The following NOC3L variants were observed in gnomAD, a reference collection of about 807,000 sequenced individuals.
NOC3L encodes NOC3 like DNA replication regulator, also known as nucleolar complex protein 3 homolog.
A neutral mutation model predicts 102.5 loss-of-function variants in NOC3L; 85 were observed. The ratio of observed to expected loss-of-function variants is 0.83; its 90% CI spans 0.70 to 0.99. The LOEUF is 0.99. Ranked by LOEUF, NOC3L falls within the 50% of genes least tolerant of loss-of-function variation. The probability of loss-of-function intolerance (pLI) is 0.00; values close to 1 mark genes in which losing one functional copy is unlikely to be tolerated. For missense variants in NOC3L, 878 were observed against 914.9 expected, an observed-to-expected ratio of 0.96 and a Z score of 0.52; for synonymous variants, 303 against 309.4, an observed-to-expected ratio of 0.98 and a Z score of 0.22.
At chr10:94,342,039 A>T (rs1445230010) in intron 13 of NOC3L, among the ~76,000 whole-genome samples, 2 of 152,252 alleles carry the variant, frequency 1.3e-5, no homozygotes, top group African/African-American at 4.8e-5. Flanking sequence ...CTTCCTGAGG[A>T]AAGTTTAGGA....
chr10:94,360,811 C>A (rs1168133184), intron 2 of NOC3L, among the ~76,000 whole-genome samples: 1 of 151,454 alleles, frequency 6.6e-6, no homozygotes, highest in Non-Finnish European at 1.5e-5. Flanking sequence ...TCATGTATCC[C>A]ATAAATATAT....
Position 94,362,878 on chromosome 10 carries a change from A to C in NOC3L, c.-40T>G. 1 of 1,613,902 alleles carries C rather than the reference A, an allele frequency of 6.2e-7. No individual in the cohort carries two copies. Reference sequence around the variant, plus strand: ...TGAATGCCGGCCAGACAAGTTCACCAGAAGCAGGGTTACTACAGAAATCCC... The same window carrying C: ...TGAATGCCGGCCAGACAAGTTCACCCGAAGCAGGGTTACTACAGAAATCCC... On this transcript the variant is annotated 5_prime_UTR_variant, in exon 1 of 21. Coordinates refer to ENST00000371361, the MANE Select transcript of NOC3L (RefSeq NM_022451.11).
chr10:94,358,060 T>G (rs375312725), intron 3 of NOC3L, 23 bp downstream of exon 3: 1 of 1,488,674 alleles, frequency 6.7e-7, no homozygotes, highest in East Asian at 2.3e-5. Flanking sequence ...ATATGAATGA[T>G]TATAACCCAA....
rs747191866 is a variant in NOC3L at position 94,334,149 on chromosome 10, A to G, written c.*28T>C. 9.8e-7 allele frequency: 1 copy of G among 1,023,106 alleles called. No homozygotes were observed. The highest frequency in any genetic ancestry group is 1.4e-5 in the South Asian group (1 of 73,974). 63.4% of individuals were successfully genotyped at this position (1,023,106 alleles called of 1,614,324 possible). ...TGTACATCTGCACACACAAATATAC[A>G]AGAAAGTCCACTGACTTCATTCCTC... On this transcript the variant is annotated 3_prime_UTR_variant, in exon 21 of 21. Coordinates refer to ENST00000371361, the MANE Select transcript of NOC3L (RefSeq NM_022451.11).
chr10:94,352,251 A>C, intron 8 of NOC3L, 59 bp downstream of exon 8: 1 of 1,158,310 alleles, frequency 8.6e-7, no homozygotes, highest in Admixed American at 1.8e-5. Flanking sequence ...ACTGTACAGA[A>C]TTCACCTTCA....
chr10:94,316,807 G>T, the NOC3L span: 2 of 1,349,012 alleles, frequency 1.5e-6, no homozygotes, highest in Non-Finnish European at 2.1e-6. Context: ...TATGTGATTA[G>T]CCATTTACCA....
intron 13 of NOC3L, 112 bp downstream of exon 13, chr10:94,344,303 G>A: frequency 1.7e-6 from 1 of 586,368 alleles, no homozygotes; most frequent in African/African-American, 1.9e-5. Context: ...GTGACAATCA[G>A]AAAAGGAATG....
At chr10:94,344,604 T>G in intron 12 of NOC3L, 89 bp from the exon 13 acceptor site, 2 of 909,912 alleles carry the variant, frequency 2.2e-6, no homozygotes, top group Non-Finnish European at 3.4e-6. Context: ...CAGGTTAACT[T>G]TTTTCCCTAC....
At chr10:94,334,383 T>A (rs1458188908) in intron 20 of NOC3L, 78 bp from the exon 21 acceptor site, 1 of 873,686 alleles carries the variant, frequency 1.1e-6, no homozygotes. Context: ...AAGTTGAAAA[T>A]GGCAACAGCT....
chr10:94,356,585 TC>T lies in NOC3L; in HGVS notation c.514del (p.Asp172IlefsTer27). The T allele has an allele frequency of 6.5e-7, 1 of 1,548,864 alleles. No homozygotes were observed. Among genetic ancestry groups the T allele is most frequent in the Non-Finnish European group, 8.9e-7 (1 of 1,121,970 alleles). On this transcript the variant is annotated frameshift_variant, in exon 5 of 21. Transcript: ENST00000371361. LOFTEE classifies it high-confidence loss of function. Reference protein sequence around the residue: ...IPQTREKPVTDSNKDEEDQEE... With the variant: ...IPQTREKPVTXSNKDEEDQEE... ...TTGATCCTCTTCATCTTTGTTACTATCAGTAACTATATGGAAAACATATGTA... is the reference window on the plus strand; with the variant it reads ...TTGATCCTCTTCATCTTTGTTACTATAGTAACTATATGGAAAACATATGTA...
intron 10 of NOC3L, among the ~76,000 whole-genome samples, chr10:94,347,642 G>A (rs2054360944): frequency 6.6e-6 from 1 of 152,042 alleles, no homozygotes; most frequent in Non-Finnish European, 1.5e-5. Flanking sequence ...GTGAAATCCA[G>A]AAATAAAATG....
intron 3 of NOC3L, 152 bp downstream of exon 3, chr10:94,357,931 C>T (rs990706251): frequency 8.2e-6 from 5 of 609,394 alleles, no homozygotes; most frequent in Non-Finnish European, 1.5e-5. Flanking sequence ...TATACATGAA[C>T]CTCCTTTATT....
At chr10:94,338,289 C>T (rs2054244935) in intron 18 of NOC3L, among the ~76,000 whole-genome samples, 1 of 152,160 alleles carries the variant, frequency 6.6e-6, no homozygotes, top group Non-Finnish European at 1.5e-5. Flanking sequence ...TAAGACTCAA[C>T]AGAAATGTAC....
intron 14 of NOC3L, among the ~76,000 whole-genome samples, chr10:94,340,936 A>C (rs932104915): frequency 2.0e-5 from 3 of 150,150 alleles, no homozygotes; most frequent in East Asian, 2.0e-4. Context: ...AGCCGAGATC[A>C]CGCCACTGCA....
At chr10:94,321,820 A>C in the NOC3L span, 8 of 1,017,390 alleles carry the variant, frequency 7.9e-6, no homozygotes, top group Non-Finnish European at 1.2e-5. Context: ...CCAAGATACA[A>C]GCTCAGATTT....
intron 2 of NOC3L, 40 bp from the exon 3 acceptor site, chr10:94,358,255 C>A: frequency 9.2e-7 from 1 of 1,092,746 alleles, no homozygotes; most frequent in Non-Finnish European, 1.4e-6. Flanking sequence ...AAATTAGAAA[C>A]AAGTATCAGA....
At chr10:94,329,383 C>G (rs969672111), downstream of NOC3L, 1 of 152,128 alleles carries the variant, frequency 6.6e-6, no homozygotes, top group Admixed American at 6.5e-5. Flanking sequence ...TTACAAAACA[C>G]TAAAACTCAC....
intron 11 of NOC3L, 106 bp downstream of exon 11, chr10:94,346,318 CT>C (rs1389962273): frequency 1.8e-5 from 15 of 849,008 alleles, no homozygotes; most frequent in Middle Eastern, 2.8e-4. Context: ...TATTTCAAAA[CT>C]TTTATGTTTA....
At chr10:94,325,667 ATTTT>A in the NOC3L span, 1 of 152,112 alleles carries the variant, frequency 6.6e-6, no homozygotes, top group East Asian at 1.9e-4. Context: ...CCCCTTATTT[ATTTT>A]GTAGATAAAT....
Sources: allele counts gnomAD v4.1 joint callset (sites outside exome capture counted in the v4.1 genomes callset), GRCh38; gene constraint gnomAD v4.1.1; transcripts MANE v1.5; gene names NCBI Gene and HGNC (gene_info 2026-07-23, HGNC 2026-07-21).